CLRN2: variants seen among roughly 807,000 people sequenced by gnomAD.
The protein encoded by CLRN2 is clarin 2, also known as clarin-2.
Under a neutral mutation model 20.1 loss-of-function variants are expected in CLRN2, and 17 were observed. The observed-to-expected ratio is 0.85, with a 90% CI of 0.58 to 1.27. CLRN2 has a LOEUF of 1.27. Ranked by LOEUF, CLRN2 falls within the 50% of genes most tolerant of loss-of-function variation. CLRN2 has a pLI of 0.00. For missense variants in CLRN2, 288 were observed against 299.5 expected (o/e 0.96, Z 0.28); for synonymous variants, 140 against 126.9 (o/e 1.10, Z -0.70).
chr4:17,519,411 T>A (rs538901984), intron 1 of CLRN2, among the ~76,000 whole-genome samples: 19 of 152,366 alleles, frequency 1.2e-4, no homozygotes, highest in African/African-American at 4.3e-4. Flanking sequence ...TTTTCTGCTC[T>A]AGCCCTGTAA....
At chr4:17,517,288 G>A (rs1396778290) in intron 1 of CLRN2, among the ~76,000 whole-genome samples, 2 of 152,160 alleles carry the variant, frequency 1.3e-5, no homozygotes, top group African/African-American at 4.8e-5. Context: ...GAATGTCAGA[G>A]AACAACCTCA....
chr4:17,515,449 T>G lies in CLRN2; in HGVS notation c.183T>G (p.Ile61Met). Residue 61 changes from isoleucine (I) to methionine (M), a missense_variant, in exon 1 of 3, where the codon ATT becomes ATG. Transcript: ENST00000511148. ...DRELVKFIGD[I>M]YYGLFRGCKV... ...AGCTGGTCAAGTTCATTGGGGACAT[T>G]TACTACGGGCTCTTCCGAGGGTGTA... 6.2e-7 allele frequency: 1 copy of G among 1,613,850 alleles called. No homozygotes were observed.
intron 2 of CLRN2, among the ~76,000 whole-genome samples, chr4:17,523,271 G>C (rs560490150): frequency 3.9e-4 from 59 of 150,458 alleles, no homozygotes; most frequent in Admixed American, 6.6e-4. Flanking sequence ...CTGAAGTGCA[G>C]TGGTGCGATC....
At chr4:17,526,785 C>T (rs1297184436) in intron 2 of CLRN2, 32 bp from the exon 3 acceptor site, 9 of 1,609,230 alleles carry the variant, frequency 5.6e-6, no homozygotes, top group Non-Finnish European at 7.7e-6. Flanking sequence ...CAAAAAGGAG[C>T]CGTGAATGAG....
At position 17,520,181 on chromosome 4, in the gene CLRN2, G is replaced by A. The variant is rs1289036572; in HGVS notation, c.254-2683G>A. 3.3e-5 allele frequency among the ~76,000 whole-genome samples: 5 copies of A among 152,058 alleles called. No individual in the cohort carries two copies. In the East Asian group the frequency reaches 5.8e-4, roughly 18 times the overall value. On this transcript the variant is annotated intron_variant, in intron 1 of 2. Coordinates refer to ENST00000511148, the MANE Select transcript of CLRN2 (RefSeq NM_001079827.2). Reference sequence around the variant, plus strand: ...CTTCCTACTATGAAGGCCGAGGACTGGGCACTCTTTACCACCCTCTCCACA... The same window carrying A: ...CTTCCTACTATGAAGGCCGAGGACTAGGCACTCTTTACCACCCTCTCCACA...
intron 2 of CLRN2, among the ~76,000 whole-genome samples, chr4:17,526,375 C>A (rs1577202769): frequency 6.6e-6 from 1 of 152,052 alleles, no homozygotes. Context: ...GCCTGGGCAA[C>A]ATGATGAAAC....
At chr4:17,519,273 G>A (rs764053189) in intron 1 of CLRN2, among the ~76,000 whole-genome samples, 1 of 152,186 alleles carries the variant, frequency 6.6e-6, no homozygotes, top group Non-Finnish European at 1.5e-5. Context: ...AATCAATTCT[G>A]CTTTCAAGTG....
chr4:17,524,931 C>T (rs183961749), intron 2 of CLRN2, among the ~76,000 whole-genome samples: 6 of 151,764 alleles, frequency 4.0e-5, no homozygotes, highest in South Asian at 4.2e-4. Context: ...GCCAACAGAG[C>T]GAAACCTTGT....
intron 2 of CLRN2, among the ~76,000 whole-genome samples, chr4:17,526,224 A>G (rs754151514): frequency 4.2e-4 from 64 of 152,214 alleles, no homozygotes; most frequent in Non-Finnish European, 6.8e-4. Context: ...AACTTCTCCA[A>G]ACGTGGATCC....
At chr4:17,524,725 A>G (rs1711927888) in intron 2 of CLRN2, among the ~76,000 whole-genome samples, 1 of 151,952 alleles carries the variant, frequency 6.6e-6, no homozygotes. Context: ...ACAGGCAAAA[A>G]AGCCTGGGCA....
chr4:17,515,366 C>G lies in CLRN2; in HGVS notation c.100C>G (p.Leu34Val), dbSNP rs537473851. The G allele has an allele frequency of 6.2e-7, 1 of 1,613,990 alleles. No individual in the cohort carries two copies. The highest frequency in any genetic ancestry group is 1.7e-5 in the Admixed American group (1 of 60,006). ...CGTTGCCCTGGTAGTGCCCCACTGG[C>G]TGAGTGGGAAAATCCTTTGTCAGAC... ...IIVALVVPHW[L>V]SGKILCQTGV... Residue 34 changes from leucine to valine, a missense_variant, in exon 1 of 3, where the codon CTG becomes GTG. Transcript: ENST00000511148.
intron 1 of CLRN2, among the ~76,000 whole-genome samples, chr4:17,521,365 C>G (rs1185648343): frequency 6.6e-6 from 1 of 152,194 alleles, no homozygotes; most frequent in African/African-American, 2.4e-5. Context: ...CTGGGAGACG[C>G]CAACCTTCAG....
At chr4:17,526,783 A>G (rs996038107) in intron 2 of CLRN2, 34 bp from the exon 3 acceptor site, 2 of 1,608,894 alleles carry the variant, frequency 1.2e-6, no homozygotes, top group African/African-American at 2.7e-5. Context: ...TGCAAAAAGG[A>G]GCCGTGAATG....
chr4:17,519,153 G>A (rs2247952), intron 1 of CLRN2, among the ~76,000 whole-genome samples: 50,446 of 152,008 alleles, frequency 0.33, 8,733 homozygotes, highest in East Asian at 0.47. Context: ...TCTGGGATTC[G>A]GAGCAAACAA....
chr4:17,524,932 G>A (rs1446009627), intron 2 of CLRN2, among the ~76,000 whole-genome samples: 2 of 151,764 alleles, frequency 1.3e-5, no homozygotes, highest in African/African-American at 2.4e-5. Context: ...CCAACAGAGC[G>A]AAACCTTGTC....
intron 2 of CLRN2, among the ~76,000 whole-genome samples, chr4:17,523,956 A>T (rs1404024022): frequency 1.3e-5 from 2 of 151,704 alleles, no homozygotes; most frequent in Non-Finnish European, 2.9e-5. Flanking sequence ...AGGGCTGGGC[A>T]GGGACCTGGA....
chr4:17,515,619 C>T (rs28382333), intron 1 of CLRN2, 100 bp downstream of exon 1: 341,620 of 1,362,330 alleles, frequency 0.25, 44,739 homozygotes, highest in African/African-American at 0.42. Context: ...GCTGCCTCAA[C>T]GTCAGGCATA....
At chr4:17,523,593 G>T (rs1711890367) in intron 2 of CLRN2, among the ~76,000 whole-genome samples, 1 of 151,818 alleles carries the variant, frequency 6.6e-6, no homozygotes. Context: ...GGTGAAAGAA[G>T]AAGCCAGAAG....
rs753592057 is a variant in CLRN2, at chr4:17,515,428, G to A, written c.162G>A (p.Leu54=). ...VDLVNATDRE[L]VKFIGDIYYG... ...TGGTCAACGCCACAGACAGAGAGCT[G>A]GTCAAGTTCATTGGGGACATTTACT... The change falls in exon 1 of 3, where the codon CTG becomes CTA. Residue 54 remains leucine, a synonymous_variant. Transcript: ENST00000511148. The A allele has an allele frequency of 3.8e-5, 61 of 1,613,826 alleles. 2 individuals are homozygous for A. The South Asian group carries it at 6.7e-4, about 18-fold the overall frequency.
Sources: gnomAD v4.1 joint callset for allele counts (sites outside exome capture counted in the v4.1 genomes callset) on GRCh38, gnomAD v4.1.1 for gene constraint, MANE v1.5 for transcripts, NCBI Gene and HGNC (gene_info 2026-07-23, HGNC 2026-07-21) for gene names.